LRGUK: variants seen among roughly 807,000 people sequenced by gnomAD.
LRGUK encodes the protein leucine-rich repeat and guanylate kinase domain-containing protein.
In LRGUK, 65 loss-of-function variants were observed where a neutral mutation model predicts 76.0. The observed-to-expected ratio is 0.85, with a 90% CI of 0.70 to 1.05. The LOEUF (loss-of-function observed/expected upper bound fraction) is 1.05, where lower values mean the gene tolerates loss of function less well. LRGUK is among the 50% of genes least tolerant of loss of function. The pLI, the probability that LRGUK is intolerant of heterozygous loss-of-function variation, is 0.00. For synonymous variants in LRGUK, 268 were observed against 265.6 expected (o/e 1.01, Z -0.09); for missense variants, 758 against 732.8 (o/e 1.03, Z -0.40).
intron 15 of LRGUK, among the ~76,000 whole-genome samples, chr7:134,219,710 G>GTC (rs987873893): frequency 1.3e-5 from 2 of 150,638 alleles, no homozygotes; most frequent in African/African-American, 2.5e-5. Context: ...CTCTCTCTCT[G>GTC]TCTCTCTCTC....
At chr7:134,150,823 A>AG (rs1216995339) in intron 5 of LRGUK, among the ~76,000 whole-genome samples, 1 of 151,922 alleles carries the variant, frequency 6.6e-6, no homozygotes, top group East Asian at 1.9e-4. Context: ...AAAAGGAATT[A>AG]GGGTTTTTTT....
intron 7 of LRGUK, among the ~76,000 whole-genome samples, chr7:134,165,483 G>A (rs945228405): frequency 1.3e-5 from 2 of 152,148 alleles, no homozygotes; most frequent in Admixed American, 6.5e-5. Context: ...CTTTCTCAGC[G>A]AAACATCACG....
chr7:134,137,179 A>AG (rs1349909180), intron 2 of LRGUK, 49 bp downstream of exon 2: 4 of 1,351,072 alleles, frequency 3.0e-6, no homozygotes, highest in African/African-American at 2.9e-5. Context: ...GACACTGGCT[A>AG]GACCATATTC....
chr7:134,222,972 GACTGATT>G (rs1477873102), intron 16 of LRGUK, among the ~76,000 whole-genome samples: 1 of 152,180 alleles, frequency 6.6e-6, no homozygotes, highest in Non-Finnish European at 1.5e-5. Flanking sequence ...AAAAGAATCA[GACTGATT>G]ACTGATTACT....
chr7:134,249,769 T>C (rs141727595), intron 18 of LRGUK, among the ~76,000 whole-genome samples: 1 of 152,348 alleles, frequency 6.6e-6, no homozygotes, highest in Non-Finnish European at 1.5e-5. Flanking sequence ...CCATTGCTGA[T>C]TGTAGCACTG....
intron 18 of LRGUK, among the ~76,000 whole-genome samples, chr7:134,253,796 C>G (rs1217945404): frequency 1.3e-5 from 2 of 152,176 alleles, no homozygotes; most frequent in Non-Finnish European, 1.5e-5. Context: ...GTCTGGGTGA[C>G]AGACAAAGCC....
At chr7:134,207,556 C>T (rs2117113761) in intron 15 of LRGUK, among the ~76,000 whole-genome samples, 1 of 152,320 alleles carries the variant, frequency 6.6e-6, no homozygotes, top group Non-Finnish European at 1.5e-5. Context: ...CCCTAGAGAA[C>T]ACCGGTTTGA....
At chr7:134,153,854 C>T (rs56277524) in intron 5 of LRGUK, among the ~76,000 whole-genome samples, 19,729 of 152,202 alleles carry the variant, frequency 0.13, 1,624 homozygotes, top group East Asian at 0.33. Context: ...GCTCTCTCCA[C>T]TAAGAGAACT....
At chr7:134,176,449 GGCTCACTGCAAGCTCC>G (rs969934510) in intron 8 of LRGUK, among the ~76,000 whole-genome samples, 7 of 151,924 alleles carry the variant, frequency 4.6e-5, no homozygotes. Flanking sequence ...GCGCGATCTC[GGCTCACTGCAAGCTCC>G]GCCTCCTGGG....
exon 2 of LRGUK, chr7:134,137,123 C>G (rs1372475648): frequency 6.2e-7 from 1 of 1,609,048 alleles, no homozygotes; most frequent in African/African-American, 1.3e-5. Context: ...CTCAATCTAA[C>G]TTTATCAGTG....
chr7:134,182,754 T>TGATG (rs563018914), intron 10 of LRGUK, among the ~76,000 whole-genome samples: 1 of 151,104 alleles, frequency 6.6e-6, no homozygotes, highest in African/African-American at 2.4e-5. Context: ...ATTTTATTAT[T>TGATG]ATGATGATGA....
intron 17 of LRGUK, 50 bp from the exon 18 acceptor site, chr7:134,248,901 T>C: frequency 3.7e-6 from 5 of 1,361,820 alleles, no homozygotes; most frequent in Non-Finnish European, 4.8e-6. Flanking sequence ...ACACTTGGTA[T>C]CTTTACAAAA....
exon 9 of LRGUK, chr7:134,177,000 C>T (rs766838279): frequency 7.5e-6 from 12 of 1,600,098 alleles, no homozygotes; most frequent in South Asian, 1.1e-5. Flanking sequence ...ATTGGTTCTT[C>T]GTAATTTTTA....
exon 1 of LRGUK, chr7:134,127,357 C>G: frequency 6.4e-7 from 1 of 1,557,624 alleles, no homozygotes; most frequent in Non-Finnish European, 8.7e-7. Flanking sequence ...TAGGCAACCC[C>G]GCTAAACAAG....
chr7:134,180,973 T>C (rs888915161), intron 10 of LRGUK, among the ~76,000 whole-genome samples: 35 of 152,324 alleles, frequency 2.3e-4, no homozygotes, highest in African/African-American at 7.9e-4. Flanking sequence ...ATATATTTCA[T>C]ATAAGTGTCA....
intron 8 of LRGUK, among the ~76,000 whole-genome samples, chr7:134,174,895 T>G (rs1412542860): frequency 6.6e-6 from 1 of 152,104 alleles, no homozygotes; most frequent in Admixed American, 6.5e-5. Context: ...AAACTGAATA[T>G]CATTTAGTTG....
intron 10 of LRGUK, among the ~76,000 whole-genome samples, chr7:134,181,769 G>A (rs1402387911): frequency 6.6e-6 from 1 of 152,098 alleles, no homozygotes; most frequent in Non-Finnish European, 1.5e-5. Context: ...TTTCCTCAAT[G>A]TTGATATCTT....
At chr7:134,137,076 C>T (rs1332768988) in exon 2 of LRGUK, 1 of 1,613,466 alleles carries the variant, frequency 6.2e-7, no homozygotes, top group African/African-American at 1.3e-5. Flanking sequence ...CACTCCATCA[C>T]TTGGGGCGCT....
At chr7:134,271,176 G>T in the LRGUK span, among the ~76,000 whole-genome samples, 1 of 151,610 alleles carries the variant, frequency 6.6e-6, no homozygotes, top group Non-Finnish European at 1.5e-5. Context: ...TTTTCTTATT[G>T]GTTTGATGTA....
Sources: gnomAD v4.1 joint callset for allele counts (sites outside exome capture counted in the v4.1 genomes callset) on GRCh38, gnomAD v4.1.1 for gene constraint, MANE v1.5 for transcripts, NCBI Gene and HGNC (gene_info 2026-07-23, HGNC 2026-07-21) for gene names.